MYO7B: variants seen among roughly 807,000 people sequenced by gnomAD.
MYO7B encodes the protein myosin VIIB.
In MYO7B, 212 loss-of-function variants were observed where a neutral mutation model predicts 259.7. That is an observed-to-expected ratio of 0.82 (90% CI 0.73 to 0.91). The LOEUF is 0.91. Ranked by LOEUF, MYO7B falls within the 40% of genes least tolerant of loss-of-function variation. MYO7B has a pLI of 0.00. For synonymous variants in MYO7B, 1,197 were observed against 1,166.4 expected, an observed-to-expected ratio of 1.03 and a Z score of -0.54; for missense variants, 2,732 against 2,813.5, an observed-to-expected ratio of 0.97 and a Z score of 0.66.
chr2:127,637,522 C>CT lies in MYO7B; in HGVS notation c.*105_*106insT. On this transcript the variant is annotated 3_prime_UTR_variant, in exon 48 of 48. Transcript: ENST00000409816. ...GGGCCTGTCCTTGGCGGGCAGCCTT[C>CT]CATGCTGCCCCCCATACAAAGCCCA... The CT allele has an allele frequency of 3.6e-6, 3 of 835,672 alleles. No homozygotes were observed. Among genetic ancestry groups the CT allele is most frequent in the Non-Finnish European group, 5.4e-6 (3 of 554,748 alleles). The allele number at this position is 835,672 out of a possible 1,614,324, so 51.8% of individuals were successfully genotyped here.
intron 1 of MYO7B, among the ~76,000 whole-genome samples, chr2:127,550,465 C>T (rs2104818072): frequency 6.6e-6 from 1 of 151,900 alleles, no homozygotes; most frequent in East Asian, 1.9e-4. Flanking sequence ...ATTCAGGAGG[C>T]TGAGGATCCC....
At chr2:127,554,396 T>C (rs1693561991) in intron 1 of MYO7B, among the ~76,000 whole-genome samples, 1 of 152,206 alleles carries the variant, frequency 6.6e-6, no homozygotes, top group South Asian at 2.1e-4. Context: ...TTGACTTGCG[T>C]ATGTTAAACC....
intron 4 of MYO7B, among the ~76,000 whole-genome samples, chr2:127,565,889 G>T (rs1678318084): frequency 6.6e-6 from 1 of 152,248 alleles, no homozygotes; most frequent in Non-Finnish European, 1.5e-5. Context: ...ATTTTTCCAG[G>T]GGAGGTGGTA....
intron 35 of MYO7B, among the ~76,000 whole-genome samples, chr2:127,630,380 C>T (rs1298930345): frequency 6.6e-6 from 1 of 152,220 alleles, no homozygotes; most frequent in Non-Finnish European, 1.5e-5. Flanking sequence ...CTTACCCTGT[C>T]TGGGAAGGCA....
chr2:127,608,406 C>T (rs1224543197), intron 21 of MYO7B, among the ~76,000 whole-genome samples: 1 of 152,140 alleles, frequency 6.6e-6, no homozygotes, highest in Non-Finnish European at 1.5e-5. Context: ...CAGCTGGGTT[C>T]CTGGGGGTCC....
chr2:127,617,479 G>A (rs1680613175), intron 26 of MYO7B, among the ~76,000 whole-genome samples: 2 of 137,712 alleles, frequency 1.5e-5, no homozygotes, highest in Admixed American at 7.3e-5. Context: ...CAGCAGACTT[G>A]TAACGGGGTT....
chr2:127,629,787 C>T lies in MYO7B; in HGVS notation c.4767C>T (p.Tyr1589=), dbSNP rs534474621. ...GGCTGGTGCCCATGGCCTGCCTCTA[C>T]ACCATCCCCACGGTCACTAAGCCCT... ...KTGLVPMACL[Y]TIPTVTKPSA... Residue 1589 remains tyrosine (Y), a synonymous_variant, in exon 35 of 48, where the codon TAC becomes TAT. Coordinates refer to ENST00000409816, the MANE Select transcript of MYO7B (RefSeq NM_001393586.1). 6.9e-6 allele frequency: 11 copies of T among 1,594,646 alleles called. No homozygotes were observed. The South Asian group carries it at 1.1e-4, about 16-fold the overall frequency.
intron 15 of MYO7B, among the ~76,000 whole-genome samples, chr2:127,589,483 T>G (rs1022169663): frequency 6.8e-6 from 1 of 147,070 alleles, no homozygotes; most frequent in Non-Finnish European, 1.5e-5. Context: ...TTGTGCTGGG[T>G]AGATGGTGGG....
intron 25 of MYO7B, 53 bp from the exon 26 acceptor site, chr2:127,612,423 T>G: frequency 6.5e-7 from 1 of 1,550,198 alleles, no homozygotes; most frequent in Non-Finnish European, 8.7e-7. Context: ...AGTTTCCTAC[T>G]TGGCAGATGG....
chr2:127,625,390 T>C lies in MYO7B; in HGVS notation c.4070T>C (p.Leu1357Pro). ...CAGGAGGAAGAGCTGGTTGAGCTGC[T>C]GGCCCGGCACTGCTACGTGCAGCTC... ...FEKEEELVEL[L>P]ARHCYVQLGA... Residue 1357 changes from leucine (L) to proline (P), a missense_variant, in exon 31 of 48, where the codon CTG (leucine) becomes CCG (proline). Physicochemically the swap from Leu to Pro is moderately conservative, Grantham distance 98 (BLOSUM62 -3). This residue lies in a region of MYO7B where 1,906 missense variants were observed against 2,026.4 expected (regional missense o/e 0.94). Transcript: ENST00000409816. The C allele has an allele frequency of 6.3e-7, 1 of 1,596,898 alleles. No individual in the cohort carries two copies. The highest frequency in any genetic ancestry group is 1.7e-5 in the Admixed American group (1 of 57,710).
chr2:127,611,212 A>G lies in MYO7B; in HGVS notation c.3193-1038A>G, dbSNP rs1388247897. Among the ~76,000 whole-genome samples the G allele has an allele frequency of 6.6e-6, 1 of 152,222 alleles. No homozygotes were observed. The highest frequency in any genetic ancestry group is 2.4e-5 in the African/African-American group (1 of 41,458). On this transcript the variant is annotated intron_variant, in intron 24 of 47. Transcript: ENST00000409816. The surrounding 1 kb of genome is among the most constrained non-coding windows in gnomAD (Gnocchi z 5.4). ...TCCTCACAACATGGCTTCCCTCAAC[A>G]TGAGTGATCCAAGAAGAAAAGCAAG...
intron 1 of MYO7B, among the ~76,000 whole-genome samples, chr2:127,558,270 G>T (rs1677910969): frequency 6.6e-6 from 1 of 152,144 alleles, no homozygotes. Flanking sequence ...AATGATCAGG[G>T]AAATAGAAAT....
At chr2:127,555,007 G>T (rs2104831122) in intron 1 of MYO7B, among the ~76,000 whole-genome samples, 1 of 150,374 alleles carries the variant, frequency 6.7e-6, no homozygotes, top group African/African-American at 2.5e-5. Context: ...GGAGCACAGT[G>T]GCATGATCTC....
rs760025024 is a variant in MYO7B at position 127,624,113 on chromosome 2, G to A, written c.3840G>A (p.Gly1280=). Reference sequence around the variant, plus strand: ...CTCAGTTCTGGTCCCTGGGCAGCGGGCGCGACCACATGATGGATGCCATCG... The same window carrying A: ...CTCAGTTCTGGTCCCTGGGCAGCGGACGCGACCACATGATGGATGCCATCG... ...VYDKFWSLGS[G]RDHMMDAIAR... Residue 1280 remains glycine (G), a synonymous_variant, in exon 30 of 48, where the codon GGG becomes GGA. Coordinates refer to ENST00000409816, the MANE Select transcript of MYO7B (RefSeq NM_001393586.1). The A allele has an allele frequency of 9.5e-6, 15 of 1,576,314 alleles. No homozygotes were observed. Among genetic ancestry groups the A allele is most frequent in the Admixed American group, 1.8e-5 (1 of 55,118 alleles).
chr2:127,625,085 A>C (rs950140577), intron 30 of MYO7B, among the ~76,000 whole-genome samples: 17 of 152,132 alleles, frequency 1.1e-4, no homozygotes, highest in Admixed American at 7.9e-4. Context: ...AGATGAGGAA[A>C]CGCCTTGTCA....
chr2:127,621,635 C>T (rs1391296984), intron 27 of MYO7B, among the ~76,000 whole-genome samples: 1 of 152,210 alleles, frequency 6.6e-6, no homozygotes, highest in Non-Finnish European at 1.5e-5. Flanking sequence ...TGATGCCTCG[C>T]TGTTCCAGAA....
intron 35 of MYO7B, 85 bp downstream of exon 35, chr2:127,629,911 C>T: frequency 1.4e-6 from 2 of 1,381,482 alleles, no homozygotes; most frequent in Non-Finnish European, 9.5e-7. Flanking sequence ...GGAGGCCTAG[C>T]TCAGGGCCTG....
In MYO7B at chr2:127,590,194, C is replaced by G. The variant is rs780936085; in HGVS notation, c.1957C>G (p.Arg653Gly). The change falls in exon 16 of 48, where the codon CGC becomes GGC. Residue 653 changes from arginine (R) to glycine (G), a missense_variant. By Grantham distance (125) the Arg-to-Gly change is moderately radical. Transcript: ENST00000409816. This position sits in a 1 kb window ranked among gnomAD's most constrained non-coding sequence, Gnocchi z 4.6. The part of the protein sequence containing the change: ...ILTNCQPYFI[R>G]CIKPNEYKKP... ...GACCAACTGCCAGCCTTACTTCATCCGCTGCATCAAACCTAATGAGTACAA... is the reference window on the plus strand; with the variant it reads ...GACCAACTGCCAGCCTTACTTCATCGGCTGCATCAAACCTAATGAGTACAA... The G allele has an allele frequency of 6.2e-7, 1 of 1,612,896 alleles. No individual in the cohort carries two copies. Among genetic ancestry groups the G allele is most frequent in the Non-Finnish European group, 8.5e-7 (1 of 1,179,750 alleles).
chr2:127,606,562 C>T (rs1035933019), intron 20 of MYO7B, among the ~76,000 whole-genome samples: 5 of 152,182 alleles, frequency 3.3e-5, no homozygotes, highest in African/African-American at 9.7e-5. Flanking sequence ...CAACTCTGTA[C>T]GTCAAGGAAC....
Sources: gnomAD v4.1 joint callset for allele counts (sites outside exome capture counted in the v4.1 genomes callset) on GRCh38, gnomAD v4.1.1 for gene constraint, gnomAD v4.1.1 regional missense constraint, Gnocchi (gnomAD v3.1) non-coding constraint, MANE v1.5 for transcripts, NCBI Gene and HGNC (gene_info 2026-07-23, HGNC 2026-07-21) for gene names.